The following LRRIQ1 variants were observed in gnomAD, a reference collection of about 807,000 sequenced individuals.
LRRIQ1 encodes leucine rich repeats and IQ motif containing 1, also known as leucine-rich repeat- and IQ domain-containing protein 1.
Under a neutral mutation model 211.9 loss-of-function variants are expected in LRRIQ1, and 210 were observed. The observed-to-expected ratio is 0.99, with a 90% CI of 0.89 to 1.11. The LOEUF is 1.11. LRRIQ1 is among the 50% of genes most tolerant of loss of function. LRRIQ1 has a pLI of 0.00. For missense variants in LRRIQ1, 2,136 were observed against 1,939.5 expected (o/e 1.10, Z -1.90); for synonymous variants, 699 against 650.1 (o/e 1.08, Z -1.14).
At position 85,229,626 on chromosome 12, in the gene LRRIQ1, G is replaced by A. The variant is rs754040966; in HGVS notation, c.4932G>A (p.Thr1644=). Residue 1644 remains threonine, a synonymous_variant, in exon 25 of 27, where the codon ACG becomes ACA. Transcript: ENST00000393217. ...ACACACAGGTTGGGGTTCATGAAAC[G>A]ACTAGTTCCAGAAATATGAAATGGT... The part of the protein sequence containing the change: ...WLHTQVGVHE[T]TSSRNMKCNH... 5.1e-5 allele frequency: 82 copies of A among 1,610,418 alleles called. No individual in the cohort carries two copies. Among genetic ancestry groups the A allele is most frequent in the Non-Finnish European group, 6.5e-5 (76 of 1,178,058 alleles).
At chr12:85,099,055 T>C (rs1472134989) in intron 13 of LRRIQ1, 61 bp downstream of exon 13, 25 of 1,163,818 alleles carry the variant, frequency 2.1e-5, no homozygotes, top group Non-Finnish European at 1.4e-5. Context: ...TATGTGATGT[T>C]CATAAACTAC....
rs1814626370 is a variant in LRRIQ1 at position 85,056,513 on chromosome 12, ATAATCAAAGATAATC to A, written c.1721_1735del (p.Ile574_Gln579delinsLys). On this transcript the variant is annotated inframe_deletion, in exon 8 of 27. Coordinates refer to ENST00000393217, the MANE Select transcript of LRRIQ1 (RefSeq NM_001079910.2). ...GGTGAAAACCAATGAAGAGCAGAAA[ATAATCAAAGATAATC>A]AGCAGAAAAAGATACAAAAAGTAGA... The A allele has an allele frequency of 2.5e-6, 4 of 1,611,984 alleles. No individual in the cohort carries two copies. Among genetic ancestry groups the A allele is most frequent in the Non-Finnish European group, 3.4e-6 (4 of 1,179,090 alleles).
chr12:85,254,740 A>T (rs1237177405), intron 1 of LRRIQ1, among the ~76,000 whole-genome samples: 1 of 152,034 alleles, frequency 6.6e-6, no homozygotes, highest in Non-Finnish European at 1.5e-5. Flanking sequence ...TAGTATTCTC[A>T]GTCTATTTTT....
chr12:85,156,818 G>A (rs1051414106), intron 23 of LRRIQ1, among the ~76,000 whole-genome samples: 10 of 151,668 alleles, frequency 6.6e-5, no homozygotes, highest in Admixed American at 3.3e-4. Flanking sequence ...CGGGAGTGGG[G>A]AGCATGGCAG....
chr12:85,195,743 G>A (rs1057307963), intron 24 of LRRIQ1, among the ~76,000 whole-genome samples: 6 of 152,064 alleles, frequency 3.9e-5, no homozygotes, highest in African/African-American at 7.2e-5. Flanking sequence ...AAAACTGGAA[G>A]CATTCCCTTT....
chr12:85,256,817 T>A (rs1198770343), intron 1 of LRRIQ1, among the ~76,000 whole-genome samples: 1 of 150,740 alleles, frequency 6.6e-6, no homozygotes, highest in African/African-American at 2.4e-5. Flanking sequence ...AGAAGAAAGA[T>A]TTTAAATTAA....
intron 26 of LRRIQ1, among the ~76,000 whole-genome samples, chr12:85,241,481 A>T (rs1447570807): frequency 6.6e-6 from 1 of 152,016 alleles, no homozygotes; most frequent in African/African-American, 2.4e-5. Flanking sequence ...ACAAATAATT[A>T]TGTGATATAT....
chr12:85,065,222 T>G lies in LRRIQ1; in HGVS notation c.2392-40T>G, dbSNP rs940757303. On this transcript the variant is annotated intron_variant, in intron 8 of 26. Coordinates refer to ENST00000393217, the MANE Select transcript of LRRIQ1 (RefSeq NM_001079910.2). ...TAATATTGTTTATATTCAGTTTTGTTAAATAACACTACACACTCCAATTTT... is the reference window on the plus strand; with the variant it reads ...TAATATTGTTTATATTCAGTTTTGTGAAATAACACTACACACTCCAATTTT... The G allele has an allele frequency of 2.6e-6, 4 of 1,522,316 alleles. No homozygotes were observed. The African/African-American group carries it at 5.7e-5, about 22-fold the overall frequency. The allele number at this position is 1,522,316 out of a possible 1,614,324, so 94.3% of individuals were successfully genotyped here. A position where few individuals can be genotyped will look rare whatever the true frequency, so the allele number is the denominator to read the frequency against.
intron 18 of LRRIQ1, among the ~76,000 whole-genome samples, chr12:85,135,179 A>T (rs538466826): frequency 2.0e-5 from 3 of 152,090 alleles, no homozygotes; most frequent in South Asian, 4.1e-4. Flanking sequence ...TATTGAAGTA[A>T]CCAGGTCATT....
At chr12:85,191,823 G>A (rs1892525157) in intron 24 of LRRIQ1, among the ~76,000 whole-genome samples, 1 of 151,820 alleles carries the variant, frequency 6.6e-6, no homozygotes, top group African/African-American at 2.4e-5. Flanking sequence ...TATTAAGTGG[G>A]GGGTAGTACC....
intron 24 of LRRIQ1, among the ~76,000 whole-genome samples, chr12:85,217,502 ATATATATGTGTG>A (rs1455878036): frequency 1.2e-4 from 9 of 78,066 alleles, no homozygotes; most frequent in Admixed American, 4.0e-4. Flanking sequence ...GTATATATAT[ATATATATGTGTG>A]TGTGTGTGTG....
At chr12:85,219,930 G>A (rs1441755819) in intron 24 of LRRIQ1, among the ~76,000 whole-genome samples, 2 of 152,036 alleles carry the variant, frequency 1.3e-5, no homozygotes, top group Non-Finnish European at 2.9e-5. Flanking sequence ...GTATTTATAC[G>A]AATGTTAATG....
chr12:85,116,062 G>C (rs371711101), intron 15 of LRRIQ1, among the ~76,000 whole-genome samples: 2 of 152,136 alleles, frequency 1.3e-5, no homozygotes, highest in East Asian at 1.9e-4. Context: ...ATGTTAACCG[G>C]TGAACAAATT....
chr12:85,171,452 G>A lies in LRRIQ1; in HGVS notation c.4822+10738G>A, dbSNP rs930281342. Among the ~76,000 whole-genome samples, 5 of 152,114 alleles carry A rather than the reference G, an allele frequency of 3.3e-5. No homozygotes were observed. The South Asian group carries it at 6.2e-4, about 19-fold the overall frequency. On this transcript the variant is annotated intron_variant, in intron 24 of 26. Transcript: ENST00000393217. Reference sequence around the variant, plus strand: ...TATATACAATAAAAACCACATCTTGGCATATCATCATAAAATTGCTAAAAT... The same window carrying A: ...TATATACAATAAAAACCACATCTTGACATATCATCATAAAATTGCTAAAAT...
At chr12:85,272,161 A>C in the LRRIQ1 span, among the ~76,000 whole-genome samples, 1 of 152,210 alleles carries the variant, frequency 6.6e-6, no homozygotes, top group South Asian at 2.1e-4. Context: ...GAAACAGTAC[A>C]TATAGATCTA....
intron 24 of LRRIQ1, among the ~76,000 whole-genome samples, chr12:85,212,440 C>G (rs1321250932): frequency 6.6e-6 from 1 of 151,468 alleles, no homozygotes; most frequent in Non-Finnish European, 1.5e-5. Context: ...GTCTTTTTGG[C>G]CAAAAAAGTC....
chr12:85,039,288 A>G (rs1878571152), intron 2 of LRRIQ1, among the ~76,000 whole-genome samples: 1 of 151,432 alleles, frequency 6.6e-6, no homozygotes, highest in Admixed American at 6.6e-5. Context: ...ACTTAGAATC[A>G]GTGTAAGTAT....
chr12:85,186,008 G>T (rs1212317919), intron 24 of LRRIQ1, among the ~76,000 whole-genome samples: 3 of 151,770 alleles, frequency 2.0e-5, no homozygotes, highest in Admixed American at 2.0e-4. Flanking sequence ...TTAATATTAT[G>T]AAGTTTAAAT....
intron 1 of LRRIQ1, among the ~76,000 whole-genome samples, chr12:85,258,204 A>T (rs975040311): frequency 9.9e-5 from 15 of 151,982 alleles, no homozygotes; most frequent in African/African-American, 3.6e-4. Context: ...TTGATTATTA[A>T]CACCAGTAAT....
Sources: allele counts gnomAD v4.1 joint callset (sites outside exome capture counted in the v4.1 genomes callset), GRCh38; gene constraint gnomAD v4.1.1; transcripts MANE v1.5; gene names NCBI Gene and HGNC (gene_info 2026-07-23, HGNC 2026-07-21).